Variants in G3BP2 observed in about 807,000 individuals in gnomAD.
The protein encoded by G3BP2 is G3BP stress granule assembly factor 2, also known as ras GTPase-activating protein-binding protein 2.
In G3BP2, 11 loss-of-function variants were observed where a neutral mutation model predicts 56.7. That is an observed-to-expected ratio of 0.19 (90% CI 0.12 to 0.32). G3BP2 has a LOEUF of 0.32. Among genes scored for constraint, G3BP2 ranks in the 10% least tolerant of loss-of-function variants. The pLI, the probability that G3BP2 is intolerant of heterozygous loss-of-function variation, is 1.00. For synonymous variants in G3BP2, 165 were observed against 191.6 expected (o/e 0.86, Z 1.15); for missense variants, 340 against 610.9 (o/e 0.56, Z 4.67).
At chr4:75,714,701 T>G (rs1208932040) in intron 3 of G3BP2, among the ~76,000 whole-genome samples, 3 of 152,220 alleles carry the variant, frequency 2.0e-5, no homozygotes, top group Non-Finnish European at 4.4e-5. Flanking sequence ...TCTGCAATTC[T>G]GAAATTAGTT....
intron 3 of G3BP2, among the ~76,000 whole-genome samples, chr4:75,704,172 C>T (rs1405368010): frequency 1.3e-5 from 2 of 151,832 alleles, no homozygotes; most frequent in East Asian, 1.9e-4. Flanking sequence ...GCACGCGCCA[C>T]CATGCCCGGC....
upstream of G3BP2, chr4:75,673,702 C>T (rs569294136): frequency 4.5e-5 from 48 of 1,057,472 alleles, no homozygotes; most frequent in Middle Eastern, 6.9e-4. Context: ...GCCCTTCTTC[C>T]TGATCGCGCA....
intron 4 of G3BP2, 63 bp downstream of exon 4, chr4:75,657,494 C>G: frequency 4.0e-6 from 5 of 1,246,232 alleles, no homozygotes; most frequent in Non-Finnish European, 5.7e-6. Flanking sequence ...TAGAAGAAAC[C>G]TCTGGACACT....
chr4:75,717,182 C>T (rs768817792), intron 3 of G3BP2, among the ~76,000 whole-genome samples: 1 of 152,126 alleles, frequency 6.6e-6, no homozygotes, highest in Non-Finnish European at 1.5e-5. Flanking sequence ...GTGACTCATG[C>T]CTGTAATCTC....
intron 2 of G3BP2, among the ~76,000 whole-genome samples, chr4:75,661,230 G>C (rs1732524795): frequency 6.6e-6 from 1 of 152,116 alleles, no homozygotes; most frequent in East Asian, 1.9e-4. Context: ...CCAGATTCAA[G>C]CAATTCTCCT....
intron 3 of G3BP2, among the ~76,000 whole-genome samples, chr4:75,711,376 A>C (rs1719752110): frequency 6.6e-6 from 1 of 151,698 alleles, no homozygotes; most frequent in Non-Finnish European, 1.5e-5. Context: ...TCTTATAATT[A>C]TTCTCATCAC....
chr4:75,670,199 C>T lies in G3BP2; in HGVS notation c.-25+3009G>A, dbSNP rs533075585. 1.2e-4 allele frequency among the ~76,000 whole-genome samples: 18 copies of T among 152,306 alleles called. No homozygotes were observed. The South Asian group carries it at 3.7e-3, about 32-fold the overall frequency. On this transcript the variant is annotated intron_variant, in intron 1 of 11. Transcript: ENST00000359707. The stretch of plus-strand genomic sequence containing the variant: ...TACTTACCCCTTTCCCCTCTGGAGT[C>T]CCTCACTCATAGCTGGGCTCAAACT...
chr4:75,655,699 T>C, intron 6 of G3BP2, 69 bp downstream of exon 6: 1 of 801,876 alleles, frequency 1.2e-6, no homozygotes, highest in East Asian at 2.4e-5. Context: ...TCAACAATAA[T>C]TCTAGGAACA....
At chr4:75,663,350 G>GGCTCAA (rs1732720802) in intron 1 of G3BP2, among the ~76,000 whole-genome samples, 1 of 151,806 alleles carries the variant, frequency 6.6e-6, no homozygotes, top group South Asian at 2.1e-4. Context: ...TCAACTGCCA[G>GGCTCAA]GCTCAGGCTC....
Position 75,642,794 on chromosome 4 carries a change from A to G in G3BP2, c.*2636T>C, listed in dbSNP as rs1206453824. On this transcript the variant is annotated 3_prime_UTR_variant, in exon 12 of 12. Transcript: ENST00000359707. Reference sequence around the variant, plus strand: ...TTAGGGACATAGATAAATGCTGCAGACATCAGTAGTTTATTGTTTGTTTAG... The same window carrying G: ...TTAGGGACATAGATAAATGCTGCAGGCATCAGTAGTTTATTGTTTGTTTAG... 3 of 152,628 alleles carry G rather than the reference A, an allele frequency of 2.0e-5. No individual in the cohort carries two copies. Among genetic ancestry groups the G allele is most frequent in the Non-Finnish European group, 4.4e-5 (3 of 67,988 alleles). 9.5% of individuals were successfully genotyped at this position (152,628 alleles called of 1,614,324 possible). A position where few individuals can be genotyped will look rare whatever the true frequency, so the allele number is the denominator to read the frequency against.
intron 9 of G3BP2, 21 bp from the exon 10 acceptor site, chr4:75,647,178 GATAC>G (rs759829700): frequency 6.6e-7 from 1 of 1,511,260 alleles, no homozygotes; most frequent in Non-Finnish European, 9.0e-7. Context: ...AAATAGAGCA[GATAC>G]TAAAGTTTAC....
chr4:75,673,616 A>ATAG (rs1251824554), upstream of G3BP2: 16 of 1,230,712 alleles, frequency 1.3e-5, no homozygotes, highest in Non-Finnish European at 1.6e-5. Flanking sequence ...AACCGGCCTA[A>ATAG]AGCCAAGATA....
intron 11 of G3BP2, 106 bp from the exon 12 acceptor site, chr4:75,645,808 A>C: frequency 9.9e-7 from 1 of 1,014,560 alleles, no homozygotes; most frequent in Non-Finnish European, 1.5e-6. Flanking sequence ...AAACACTTTT[A>C]TCAGCCCCCC....
chr4:75,710,565 T>C (rs763976075), intron 3 of G3BP2, among the ~76,000 whole-genome samples: 2 of 152,226 alleles, frequency 1.3e-5, no homozygotes, highest in Admixed American at 6.5e-5. Flanking sequence ...GTTTTAATCA[T>C]TGCTAAATCC....
chr4:75,698,589 A>G (rs1719216799), intron 3 of G3BP2, among the ~76,000 whole-genome samples: 1 of 152,046 alleles, frequency 6.6e-6, no homozygotes, highest in Admixed American at 6.6e-5. Flanking sequence ...CTAGACAGCT[A>G]TTTTACAGCT....
At chr4:75,695,025 A>ACAG in intron 3 of G3BP2, 8 of 675,870 alleles carry the variant, frequency 1.2e-5, no homozygotes, top group Non-Finnish European at 1.5e-5. Context: ...CTCAAGAGCC[A>ACAG]GTATCCAGAA....
Position 75,661,935 on chromosome 4 carries a change from G to A in G3BP2, c.91C>T (p.His31Tyr). ...AATTATTTGTTTAAAATTTACCTGT[G>A]TAAATATTCCGGAGCTTTATTCAGC... ...TLLNKAPEYL[H>Y]RFYGRNSSYV... Residue 31 changes from histidine to tyrosine, a missense_variant, in exon 2 of 12, where the codon CAC becomes TAC. His to Tyr is a moderately conservative substitution (Grantham distance 83). This residue lies in a region of G3BP2 where 21 missense variants were observed against 83.7 expected (regional missense o/e 0.25). Coordinates refer to ENST00000359707, the MANE Select transcript of G3BP2 (RefSeq NM_203505.3). 1.3e-6 allele frequency: 2 copies of A among 1,501,964 alleles called. No homozygotes were observed. The highest frequency in any genetic ancestry group is 1.9e-6 in the Non-Finnish European group (2 of 1,078,452). 93.0% of individuals were successfully genotyped at this position (1,501,964 alleles called of 1,614,324 possible). A position where few individuals can be genotyped will look rare whatever the true frequency, so the allele number is the denominator to read the frequency against.
rs917621941 is a variant in G3BP2, at chr4:75,645,437, C to T, written c.1442G>A (p.Arg481His). The part of the protein sequence containing the change: ...GQMEGRFTGQ[R>H]R ...TTTGCCAACAGTGGAGCTTCAGCGACGCTGTCCTGTGAAGCGGCCCTCCAT... is the reference window on the plus strand; with the variant it reads ...TTTGCCAACAGTGGAGCTTCAGCGATGCTGTCCTGTGAAGCGGCCCTCCAT... Residue 481 changes from arginine to histidine, a missense_variant, in exon 12 of 12, where the codon CGT becomes CAT. Coordinates refer to ENST00000359707, the MANE Select transcript of G3BP2 (RefSeq NM_203505.3). 6 of 1,613,406 alleles carry T rather than the reference C, an allele frequency of 3.7e-6. No homozygotes were observed. The highest frequency in any genetic ancestry group is 4.2e-6 in the Non-Finnish European group (5 of 1,179,426).
intron 10 of G3BP2, among the ~76,000 whole-genome samples, chr4:75,646,738 A>G (rs972191497): frequency 6.6e-6 from 1 of 152,148 alleles, no homozygotes; most frequent in Non-Finnish European, 1.5e-5. Context: ...ATTTTCTCCT[A>G]ATATATTGAC....
Sources: allele counts gnomAD v4.1 joint callset (sites outside exome capture counted in the v4.1 genomes callset), GRCh38; gene constraint gnomAD v4.1.1; regional missense constraint gnomAD v4.1.1; transcripts MANE v1.5; gene names NCBI Gene and HGNC (gene_info 2026-07-23, HGNC 2026-07-21).